Variants in SPOCK3 observed in about 807,000 individuals in gnomAD.
The protein encoded by SPOCK3 is SPARC (osteonectin), cwcv and kazal like domains proteoglycan 3.
Under a neutral mutation model 56.6 loss-of-function variants are expected in SPOCK3, and 30 were observed. The observed-to-expected ratio is 0.53, with a 90% confidence interval of 0.40 to 0.72. SPOCK3 has a LOEUF of 0.72. Among genes scored for constraint, SPOCK3 ranks in the 30% least tolerant of loss-of-function variants. The pLI is 0.00. For missense variants in SPOCK3, 527 were observed against 530.0 expected, an observed-to-expected ratio of 0.99 and a Z score of 0.06; for synonymous variants, 196 against 183.3, an observed-to-expected ratio of 1.07 and a Z score of -0.56.
intron 7 of SPOCK3, among the ~76,000 whole-genome samples, chr4:166,765,651 G>C (rs1225385349): frequency 6.6e-6 from 1 of 152,188 alleles, no homozygotes; most frequent in Non-Finnish European, 1.5e-5. Context: ...TTTGGCTTAG[G>C]ATTGTTTTGG....
intron 2 of SPOCK3, among the ~76,000 whole-genome samples, chr4:167,172,121 C>T (rs1005442386): frequency 6.6e-5 from 10 of 152,282 alleles, no homozygotes; most frequent in African/African-American, 2.4e-4. Context: ...TGGAATCTCT[C>T]AGCAGTGGGC....
At chr4:166,887,004 C>T (rs1198217926) in intron 6 of SPOCK3, among the ~76,000 whole-genome samples, 1 of 152,134 alleles carries the variant, frequency 6.6e-6, no homozygotes, top group Non-Finnish European at 1.5e-5. Flanking sequence ...CTTCTTGCCT[C>T]TCTTTCTACG....
At chr4:166,815,253 T>C (rs1744262424) in intron 6 of SPOCK3, among the ~76,000 whole-genome samples, 1 of 142,312 alleles carries the variant, frequency 7.0e-6, no homozygotes, top group South Asian at 2.2e-4. Flanking sequence ...GATGATACTG[T>C]GCCCATCAAC....
At chr4:166,750,979 A>G (rs1041686105) in intron 8 of SPOCK3, among the ~76,000 whole-genome samples, 2 of 152,116 alleles carry the variant, frequency 1.3e-5, no homozygotes, top group African/African-American at 2.4e-5. Flanking sequence ...CACAACTCCA[A>G]CAGGGTACCA....
rs148203800 is a variant in SPOCK3, at chr4:166,834,061, T to A, written c.590-41772A>T. On this transcript the variant is annotated intron_variant, in intron 6 of 10. Transcript: ENST00000357545. ...CTACTCCTCCCCAAGAATCAAGAGT[T>A]TTTTTCCTGCTTTGGGGAGGAGGGG... is the stretch of plus-strand genomic sequence containing the variant. Among the ~76,000 whole-genome samples, 470 of 152,268 alleles carry A rather than the reference T, an allele frequency of 3.1e-3. 2 individuals are homozygous for A. The highest frequency in any genetic ancestry group is 0.011 in the African/African-American group (443 of 41,540).
At chr4:167,054,620 T>C (rs531208935) in intron 3 of SPOCK3, among the ~76,000 whole-genome samples, 1 of 152,340 alleles carries the variant, frequency 6.6e-6, no homozygotes, top group African/African-American at 2.4e-5. Flanking sequence ...TTTAGCTCAT[T>C]TTGCAGCAGA....
chr4:167,011,366 C>T (rs1750047223), intron 3 of SPOCK3: 1 of 451,788 alleles, frequency 2.2e-6, no homozygotes, highest in African/African-American at 2.0e-5. Flanking sequence ...AACAACCTCT[C>T]TAAAATACTT....
chr4:167,161,043 T>C (rs1248212085), intron 2 of SPOCK3, among the ~76,000 whole-genome samples: 2 of 151,930 alleles, frequency 1.3e-5, no homozygotes, highest in South Asian at 2.1e-4. Flanking sequence ...AATTGACAAA[T>C]GGGATCTAAT....
chr4:167,172,189 TACA>T (rs1473567344), intron 2 of SPOCK3, among the ~76,000 whole-genome samples: 2 of 152,146 alleles, frequency 1.3e-5, no homozygotes, highest in Non-Finnish European at 2.9e-5. Flanking sequence ...AGGGCCAGGG[TACA>T]ACATTTGCTG....
chr4:167,137,469 A>T (rs1347905267), intron 2 of SPOCK3, among the ~76,000 whole-genome samples: 5 of 151,998 alleles, frequency 3.3e-5, no homozygotes, highest in Non-Finnish European at 7.4e-5. Flanking sequence ...ATTTTTATTT[A>T]AAAATTGAAA....
At chr4:166,737,715 A>G in intron 9 of SPOCK3, 111 bp from the exon 10 acceptor site, 1 of 1,187,280 alleles carries the variant, frequency 8.4e-7, no homozygotes, top group Non-Finnish European at 1.2e-6. Context: ...ACTTACACAT[A>G]TGGAGTGTCC....
At chr4:166,790,889 G>T (rs913990525) in intron 7 of SPOCK3, among the ~76,000 whole-genome samples, 1 of 152,126 alleles carries the variant, frequency 6.6e-6, no homozygotes, top group Admixed American at 6.6e-5. Context: ...ATATGTAAGG[G>T]TATGGAAGAA....
chr4:166,810,409 C>A (rs1355326098), intron 6 of SPOCK3, among the ~76,000 whole-genome samples: 1 of 151,982 alleles, frequency 6.6e-6, no homozygotes, highest in Non-Finnish European at 1.5e-5. Context: ...CTTGTACTTT[C>A]TCAAAAACAA....
rs186515682 is a variant in SPOCK3 at position 166,969,416 on chromosome 4, T to C, written c.350+30933A>G. On this transcript the variant is annotated intron_variant, in intron 4 of 10. Transcript: ENST00000357545. ...GTTGAGAGAGGGACCTGGTGGGAGG[T>C]GACTGGATCATGGAGGTGAATTTCC... Among the ~76,000 whole-genome samples, 28 of 152,154 alleles carry C rather than the reference T, an allele frequency of 1.8e-4. No homozygotes were observed. In the East Asian group the frequency reaches 5.4e-3, roughly 29 times the overall value.
intron 6 of SPOCK3, among the ~76,000 whole-genome samples, chr4:166,858,016 C>T (rs1317804483): frequency 6.6e-6 from 1 of 152,178 alleles, no homozygotes; most frequent in Non-Finnish European, 1.5e-5. Flanking sequence ...CTAACATTAA[C>T]AAAGCTGGCT....
chr4:166,952,703 C>A (rs533229269), intron 4 of SPOCK3, among the ~76,000 whole-genome samples: 1 of 152,076 alleles, frequency 6.6e-6, no homozygotes, highest in Admixed American at 6.6e-5. Context: ...GCTACAGTAA[C>A]CAAAACAGCA....
Position 167,061,889 on chromosome 4 carries a change from T to C in SPOCK3, c.235+603A>G, listed in dbSNP as rs184901907. 1.1e-4 allele frequency among the ~76,000 whole-genome samples: 16 copies of C among 152,066 alleles called. No homozygotes were observed. In the East Asian group the frequency reaches 3.1e-3, roughly 29 times the overall value. ...TAGTCATTTATGTAACTATGATTGC[T>C]TGGGGCTTGATGTGTCCATTCTCAT... is the stretch of plus-strand genomic sequence containing the variant. On this transcript the variant is annotated intron_variant, in intron 3 of 10. Transcript: ENST00000357545.
intron 2 of SPOCK3, among the ~76,000 whole-genome samples, chr4:167,078,746 T>A (rs1480209008): frequency 2.0e-5 from 3 of 151,772 alleles, no homozygotes. Context: ...AATATTTAAT[T>A]TTATTATTTA....
intron 3 of SPOCK3, among the ~76,000 whole-genome samples, chr4:167,057,167 T>C (rs1754987256): frequency 6.6e-6 from 1 of 152,302 alleles, no homozygotes; most frequent in East Asian, 1.9e-4. Context: ...CAACCCAGGA[T>C]TTCATATCCA....
Sources: gnomAD v4.1 joint callset for allele counts (sites outside exome capture counted in the v4.1 genomes callset) on GRCh38, gnomAD v4.1.1 for gene constraint, MANE v1.5 for transcripts, NCBI Gene and HGNC (gene_info 2026-07-23, HGNC 2026-07-21) for gene names.